The following GRIP1 variants were observed in gnomAD, a reference collection of about 807,000 sequenced individuals.
GRIP1 encodes glutamate receptor-interacting protein 1.
GRIP1 carries 45 observed loss-of-function variants against 129.9 expected under a neutral mutation model. The ratio of observed to expected loss-of-function variants is 0.35; its 90% CI spans 0.27 to 0.44. The LOEUF (loss-of-function observed/expected upper bound fraction) is 0.44, where lower values mean the gene tolerates loss of function less well. Among genes scored for constraint, GRIP1 ranks in the 20% least tolerant of loss-of-function variants. The pLI is 1.00. For synonymous variants in GRIP1, 530 were observed against 520.8 expected (o/e 1.02, Z -0.24); for missense variants, 1,196 against 1,396.8 (o/e 0.86, Z 2.29).
chr12:66,905,447 C>G (rs2040915730), intron 1 of GRIP1, among the ~76,000 whole-genome samples: 1 of 152,148 alleles, frequency 6.6e-6, no homozygotes, highest in Non-Finnish European at 1.5e-5. Flanking sequence ...TACTGAGAAA[C>G]AGACAAGAGG....
intron 2 of GRIP1, among the ~76,000 whole-genome samples, chr12:66,542,728 T>C (rs2061824920): frequency 6.6e-6 from 1 of 152,076 alleles, no homozygotes; most frequent in South Asian, 2.1e-4. Context: ...TAAAAATGAG[T>C]AGAGTCAATA....
At chr12:66,502,310 T>C (rs1399350719) in intron 7 of GRIP1, among the ~76,000 whole-genome samples, 1 of 152,162 alleles carries the variant, frequency 6.6e-6, no homozygotes, top group Non-Finnish European at 1.5e-5. Flanking sequence ...AATTTATAAG[T>C]TATTTGTCCA....
intron 19 of GRIP1, among the ~76,000 whole-genome samples, chr12:66,388,488 T>G (rs997923299): frequency 6.6e-6 from 1 of 152,194 alleles, no homozygotes; most frequent in African/African-American, 2.4e-5. Flanking sequence ...TCCTCTTGTA[T>G]TGACCTTTGC....
At chr12:66,628,169 A>G (rs2030313715) in intron 1 of GRIP1, among the ~76,000 whole-genome samples, 1 of 152,198 alleles carries the variant, frequency 6.6e-6, no homozygotes. Flanking sequence ...ATCTCTTCAG[A>G]GCAGGCTTTC....
chr12:66,365,880 T>C lies in GRIP1; in HGVS notation c.3012+5814A>G, dbSNP rs148197952. On this transcript the variant is annotated intron_variant, in intron 23 of 24. Transcript: ENST00000359742. The stretch of plus-strand genomic sequence containing the variant: ...TGATGGTGACTTTACCAGAAAAAAA[T>C]GCTATCTTGTGAAGTCTCCCTCTTC... Among the ~76,000 whole-genome samples the C allele has an allele frequency of 1.5e-3, 235 of 152,186 alleles. 3 individuals are homozygous for C. The highest frequency in any genetic ancestry group is 0.012 in the Admixed American group (176 of 15,278).
intron 1 of GRIP1, among the ~76,000 whole-genome samples, chr12:66,930,055 C>CTCTCTCTCTCT (rs67075541): frequency 1.2e-4 from 15 of 128,760 alleles, no homozygotes; most frequent in African/African-American, 3.5e-4. Context: ...CTCTCTCTCT[C>CTCTCTCTCTCT]TTTTTTTTTT....
At position 66,348,379 on chromosome 12, in the gene GRIP1, T is replaced by TTTG. The variant is rs1308981559; in HGVS notation, c.*637_*639dup. 6.6e-6 allele frequency: 1 copy of TTTG among 152,484 alleles called. No individual in the cohort carries two copies. The highest frequency in any genetic ancestry group is 1.5e-5 in the Non-Finnish European group (1 of 68,420). The allele number at this position is 152,484 out of a possible 1,614,324, so 9.4% of individuals were successfully genotyped here. A position where few individuals can be genotyped will look rare whatever the true frequency, so the allele number is the denominator to read the frequency against. On this transcript the variant is annotated 3_prime_UTR_variant, in exon 25 of 25. Coordinates refer to ENST00000359742, the MANE Select transcript of GRIP1 (RefSeq NM_001366722.1). ...TCACAAGACATATCCTGTTTGATAA[T>TTTG]TTGTTGCATAGGGAATAGCATACAT...
intron 1 of GRIP1, among the ~76,000 whole-genome samples, chr12:66,892,777 C>CATA (rs3051171): frequency 0.53 from 80,084 of 151,506 alleles, 21,836 homozygotes; most frequent in East Asian, 0.67. Flanking sequence ...GCCTAGGCAA[C>CATA]ATGAGACCCC....
At chr12:66,797,722 C>G (rs1181090214) in intron 1 of GRIP1, among the ~76,000 whole-genome samples, 1 of 152,170 alleles carries the variant, frequency 6.6e-6, no homozygotes, top group Non-Finnish European at 1.5e-5. Flanking sequence ...CTTTCTAATT[C>G]TCTAACCTAG....
intron 1 of GRIP1, among the ~76,000 whole-genome samples, chr12:66,662,384 G>A (rs1286030354): frequency 6.6e-6 from 1 of 152,042 alleles, no homozygotes; most frequent in Non-Finnish European, 1.5e-5. Context: ...AACACAGTAT[G>A]GTGGAAATCA....
chr12:66,411,355 C>G (rs2057396032), intron 15 of GRIP1, among the ~76,000 whole-genome samples: 1 of 152,012 alleles, frequency 6.6e-6, no homozygotes, highest in African/African-American at 2.4e-5. Flanking sequence ...TGGAGTAGAC[C>G]CCCAGCAAAC....
In GRIP1 at chr12:66,903,296, A is replaced by ATTT. The variant is rs5798846; in HGVS notation, c.58+165751_58+165753dup. On this transcript the variant is annotated intron_variant, in intron 1 of 1. Transcript: ENST00000643019. ...TGGCAGAGTGTAAACGTGCTGCAGT[A>ATTT]TTTTTTTTTTTTTTGTAAGTTTAAA... 1.5e-3 allele frequency among the ~76,000 whole-genome samples: 214 copies of ATTT among 143,594 alleles called. 7 individuals carry two copies. The South Asian group carries it at 0.044, about 30-fold the overall frequency. The allele number at this position is 143,594 out of a possible 152,430, so 94.2% of individuals were successfully genotyped here.
At chr12:67,029,736 A>C (rs1398482775) in intron 1 of GRIP1, among the ~76,000 whole-genome samples, 1 of 152,104 alleles carries the variant, frequency 6.6e-6, no homozygotes, top group East Asian at 1.9e-4. Context: ...AATAACGGAC[A>C]TGTGCTAGTC....
intron 1 of GRIP1, among the ~76,000 whole-genome samples, chr12:66,998,930 T>C (rs1258714187): frequency 6.6e-6 from 1 of 152,140 alleles, no homozygotes; most frequent in Non-Finnish European, 1.5e-5. Context: ...TAAGTGCCCT[T>C]AAACTATAAT....
chr12:66,834,973 A>G (rs2039587132), intron 1 of GRIP1, among the ~76,000 whole-genome samples: 1 of 151,832 alleles, frequency 6.6e-6, no homozygotes, highest in South Asian at 2.1e-4. Context: ...AAGAATTGAT[A>G]AGCTACACTT....
intron 1 of GRIP1, among the ~76,000 whole-genome samples, chr12:67,040,225 C>G (rs539793903): frequency 1.7e-4 from 22 of 129,596 alleles, no homozygotes; most frequent in African/African-American, 5.2e-4. Flanking sequence ...CCCCACCCCC[C>G]CAGCAAAGTG....
intron 1 of GRIP1, among the ~76,000 whole-genome samples, chr12:66,757,902 T>C (rs2037346361): frequency 6.6e-6 from 1 of 152,212 alleles, no homozygotes. Flanking sequence ...ATCTTTTTGG[T>C]TGTTGGTAAA....
At chr12:66,658,917 T>C (rs533105626) in intron 1 of GRIP1, among the ~76,000 whole-genome samples, 6 of 149,758 alleles carry the variant, frequency 4.0e-5, no homozygotes, top group African/African-American at 1.3e-4. Context: ...CAGTGAGATC[T>C]TGTCTCCAAA....
chr12:66,695,785 A>G (rs1457494019), intron 1 of GRIP1, among the ~76,000 whole-genome samples: 1 of 152,202 alleles, frequency 6.6e-6, no homozygotes, highest in African/African-American at 2.4e-5. Context: ...TTAAACAAGT[A>G]ACAATAATTC....
Sources: allele counts gnomAD v4.1 joint callset (sites outside exome capture counted in the v4.1 genomes callset), GRCh38; gene constraint gnomAD v4.1.1; transcripts MANE v1.5; gene names NCBI Gene and HGNC (gene_info 2026-07-23, HGNC 2026-07-21).